Variants in KCTD8 observed in about 807,000 individuals in gnomAD.
KCTD8 encodes the protein BTB/POZ domain-containing protein KCTD8.
A neutral mutation model predicts 31.5 loss-of-function variants in KCTD8; 27 were observed. That is an observed-to-expected ratio of 0.86 (90% CI 0.63 to 1.18). The LOEUF (loss-of-function observed/expected upper bound fraction) is 1.18, where lower values mean the gene tolerates loss of function less well. KCTD8 is among the 50% of genes most tolerant of loss of function. KCTD8 has a pLI of 0.00. For missense variants in KCTD8, 658 were observed against 647.7 expected (o/e 1.02, Z -0.17); for synonymous variants, 290 against 280.0 (o/e 1.04, Z -0.36).
intron 1 of KCTD8, among the ~76,000 whole-genome samples, chr4:44,291,255 C>T (rs1426382695): frequency 6.6e-6 from 1 of 151,764 alleles, no homozygotes; most frequent in Non-Finnish European, 1.5e-5. Flanking sequence ...TAAGTCTGAA[C>T]CAAGAAGAAA....
chr4:44,201,435 G>A (rs1359500792), intron 1 of KCTD8, among the ~76,000 whole-genome samples: 2 of 152,020 alleles, frequency 1.3e-5, no homozygotes. Flanking sequence ...AACCAAAACA[G>A]CATGGTACTG....
intron 1 of KCTD8, among the ~76,000 whole-genome samples, chr4:44,378,576 T>C (rs1719978418): frequency 6.6e-6 from 1 of 152,092 alleles, no homozygotes; most frequent in African/African-American, 2.4e-5. Flanking sequence ...TGAAATGTGG[T>C]ACATGTTACT....
chr4:44,255,197 T>G (rs996150570), intron 1 of KCTD8, among the ~76,000 whole-genome samples: 1 of 151,896 alleles, frequency 6.6e-6, no homozygotes, highest in Non-Finnish European at 1.5e-5. Flanking sequence ...AATGGAGAAC[T>G]TGTAGCTCCA....
chr4:44,408,869 G>A (rs984006083), intron 1 of KCTD8, among the ~76,000 whole-genome samples: 14 of 151,940 alleles, frequency 9.2e-5, no homozygotes, highest in Middle Eastern at 3.5e-3. Context: ...TGCCCACCTC[G>A]GCCTCCCAAA....
rs190858367 is a variant in KCTD8, at chr4:44,413,100, G to C, written c.961+34463C>G. On this transcript the variant is annotated intron_variant, in intron 1 of 1. Coordinates refer to ENST00000360029, the MANE Select transcript of KCTD8 (RefSeq NM_198353.3). ...TGCCTTTATGTTTTGCTGTTTAATA[G>C]AGTAAATCCTATTTTAACAGAATGT... Among the ~76,000 whole-genome samples the C allele has an allele frequency of 1.2e-4, 19 of 152,248 alleles. No homozygotes were observed. In the East Asian group the frequency reaches 3.3e-3, roughly 26 times the overall value.
intron 1 of KCTD8, among the ~76,000 whole-genome samples, chr4:44,442,581 G>T (rs1025595098): frequency 6.6e-6 from 1 of 151,884 alleles, no homozygotes; most frequent in African/African-American, 2.4e-5. Flanking sequence ...GCAAAACTCT[G>T]TCTCAAAAAA....
chr4:44,327,372 T>C (rs528051632), intron 1 of KCTD8, among the ~76,000 whole-genome samples: 3 of 152,008 alleles, frequency 2.0e-5, no homozygotes, highest in Non-Finnish European at 4.4e-5. Flanking sequence ...TCAGTCTTAC[T>C]ATCTCTATTT....
intron 1 of KCTD8, among the ~76,000 whole-genome samples, chr4:44,353,693 A>G (rs74583146): frequency 0.1 from 15,178 of 152,076 alleles, 842 homozygotes; most frequent in African/African-American, 0.14. Context: ...CCTCCCACAT[A>G]TTAGTGAAAA....
intron 1 of KCTD8, among the ~76,000 whole-genome samples, chr4:44,316,809 A>AAAG (rs1560424496): frequency 7.7e-6 from 1 of 129,366 alleles, no homozygotes; most frequent in East Asian, 2.7e-4. Context: ...AAAAAAAAAA[A>AAAG]AAAAAAAAAA....
intron 1 of KCTD8, among the ~76,000 whole-genome samples, chr4:44,314,503 G>A (rs1276852731): frequency 6.6e-6 from 1 of 152,070 alleles, no homozygotes; most frequent in African/African-American, 2.4e-5. Context: ...AGTTATATAT[G>A]CTCCTTATAC....
chr4:44,386,645 G>A (rs1030385610), intron 1 of KCTD8, among the ~76,000 whole-genome samples: 2 of 151,532 alleles, frequency 1.3e-5, no homozygotes, highest in Admixed American at 6.6e-5. Flanking sequence ...CACACTGTTG[G>A]CGGGAATGTA....
At chr4:44,198,842 A>G (rs1454634894) in intron 1 of KCTD8, among the ~76,000 whole-genome samples, 1 of 152,138 alleles carries the variant, frequency 6.6e-6, no homozygotes, top group Non-Finnish European at 1.5e-5. Flanking sequence ...CAAATGCCCC[A>G]TTTAAAAGGC....
intron 1 of KCTD8, among the ~76,000 whole-genome samples, chr4:44,429,623 A>C (rs1320995842): frequency 6.6e-6 from 1 of 151,856 alleles, no homozygotes; most frequent in Non-Finnish European, 1.5e-5. Flanking sequence ...TTGGTTAAAC[A>C]TAAGGAATAA....
chr4:44,242,289 T>G (rs1715525669), intron 1 of KCTD8, among the ~76,000 whole-genome samples: 1 of 152,210 alleles, frequency 6.6e-6, no homozygotes, highest in African/African-American at 2.4e-5. Flanking sequence ...TTAAAAAACT[T>G]GTTGATAGGC....
intron 1 of KCTD8, among the ~76,000 whole-genome samples, chr4:44,279,135 A>T (rs1716829479): frequency 6.6e-6 from 1 of 152,088 alleles, no homozygotes; most frequent in South Asian, 2.1e-4. Context: ...ATTTGCATAA[A>T]GGTGTGTGCA....
At chr4:44,447,418 G>T in intron 1 of KCTD8, 145 bp downstream of exon 1, 2 of 1,274,502 alleles carry the variant, frequency 1.6e-6, no homozygotes. Context: ...CTGCATAAGG[G>T]AATCGTGCAG....
chr4:44,243,292 T>A (rs1715558691), intron 1 of KCTD8, among the ~76,000 whole-genome samples: 4 of 152,246 alleles, frequency 2.6e-5, no homozygotes, highest in African/African-American at 7.2e-5. Flanking sequence ...ACCCATGTGT[T>A]CTGACAAGGT....
intron 1 of KCTD8, among the ~76,000 whole-genome samples, chr4:44,181,096 G>A (rs1268180789): frequency 6.6e-5 from 10 of 151,626 alleles, no homozygotes; most frequent in Non-Finnish European, 1.2e-4. Flanking sequence ...ACTTAAGGCC[G>A]CATAGTGCAG....
chr4:44,294,871 T>C (rs1204037099), intron 1 of KCTD8, among the ~76,000 whole-genome samples: 1 of 152,152 alleles, frequency 6.6e-6, no homozygotes, highest in Admixed American at 6.6e-5. Flanking sequence ...GGTCCCACTT[T>C]TATCTAGTAA....
Sources: gnomAD v4.1 joint callset for allele counts (sites outside exome capture counted in the v4.1 genomes callset) on GRCh38, gnomAD v4.1.1 for gene constraint, MANE v1.5 for transcripts, NCBI Gene and HGNC (gene_info 2026-07-23, HGNC 2026-07-21) for gene names.